EEA1: variants seen among roughly 807,000 people sequenced by gnomAD.
EEA1 encodes early endosome antigen 1, 162kD.
In EEA1, 111 loss-of-function variants were observed where a neutral mutation model predicts 209.2. The ratio of observed to expected loss-of-function variants is 0.53; its 90% confidence interval spans 0.45 to 0.62. EEA1 has a LOEUF of 0.62. Ranked by LOEUF, EEA1 falls within the 20% of genes least tolerant of loss-of-function variation. The pLI, the probability that EEA1 is intolerant of heterozygous loss-of-function variation, is 0.00. For missense variants in EEA1, 1,343 were observed against 1,530.8 expected (o/e 0.88, Z 2.05); for synonymous variants, 536 against 540.6 (o/e 0.99, Z 0.12).
rs11835165 is a variant in EEA1, at chr12:92,871,833, A to G, written c.118-6846T>C. ...TTTTAAAAAATTCTTTCTGCTTATG[A>G]TACTTTGTCCTTACCTATGTAAGAC... On this transcript the variant is annotated intron_variant, in intron 2 of 28. Coordinates refer to ENST00000322349, the MANE Select transcript of EEA1 (RefSeq NM_003566.4). Among the ~76,000 whole-genome samples the G allele has an allele frequency of 2.0e-3, 308 of 152,272 alleles. 2 individuals are homozygous for G. Among genetic ancestry groups the G allele is most frequent in the African/African-American group, 6.8e-3 (284 of 41,566 alleles).
chr12:92,858,366 T>C (rs1201181584), intron 3 of EEA1: 1 of 957,352 alleles, frequency 1.0e-6, no homozygotes, highest in Non-Finnish European at 1.7e-6. Context: ...TGATGATTCT[T>C]CCAAAGGGTT....
chr12:92,918,103 G>C (rs1880847723), intron 1 of EEA1, among the ~76,000 whole-genome samples: 1 of 4,808 alleles, frequency 2.1e-4, no homozygotes, highest in East Asian at 3.0e-3. Flanking sequence ...AGCAAGTCCT[G>C]AGTGACCTAC....
intron 2 of EEA1, 144 bp from the exon 3 acceptor site, chr12:92,865,131 T>G (rs913701343): frequency 9.0e-6 from 5 of 555,744 alleles, no homozygotes; most frequent in Non-Finnish European, 1.4e-5. Flanking sequence ...TAATCCCAAA[T>G]TCTAGTATCA....
At chr12:92,834,072 G>A (rs904454674) in intron 10 of EEA1, among the ~76,000 whole-genome samples, 20 of 152,048 alleles carry the variant, frequency 1.3e-4, no homozygotes, top group African/African-American at 4.6e-4. Flanking sequence ...TTCAGGTGGG[G>A]TGACAGCAAA....
At chr12:92,906,099 T>C (rs973599741) in intron 1 of EEA1, among the ~76,000 whole-genome samples, 16 of 150,672 alleles carry the variant, frequency 1.1e-4, no homozygotes, top group African/African-American at 3.4e-4. Flanking sequence ...TTTTCTTTTT[T>C]TTTTTTTTCT....
chr12:92,890,115 A>T (rs567996520), intron 2 of EEA1, among the ~76,000 whole-genome samples: 1 of 152,204 alleles, frequency 6.6e-6, no homozygotes. Context: ...TGAAGACGGG[A>T]TTTCAAGTCA....
chr12:92,837,292 G>A (rs1296656133), intron 10 of EEA1, among the ~76,000 whole-genome samples: 2 of 152,106 alleles, frequency 1.3e-5, no homozygotes, highest in Non-Finnish European at 2.9e-5. Flanking sequence ...ACTCTCAGAG[G>A]CTTAGTGTCA....
intron 10 of EEA1, among the ~76,000 whole-genome samples, chr12:92,837,366 A>G (rs1460405175): frequency 6.6e-6 from 1 of 152,140 alleles, no homozygotes; most frequent in Non-Finnish European, 1.5e-5. Flanking sequence ...TACTGTTCTT[A>G]TCAATATACC....
intron 24 of EEA1, among the ~76,000 whole-genome samples, chr12:92,779,639 A>G (rs981927529): frequency 2.0e-5 from 3 of 152,154 alleles, no homozygotes; most frequent in African/African-American, 7.2e-5. Flanking sequence ...GATATAACAT[A>G]AAGATGAATT....
At chr12:92,831,801 T>C (rs1302187821) in intron 11 of EEA1, among the ~76,000 whole-genome samples, 5 of 151,690 alleles carry the variant, frequency 3.3e-5, no homozygotes, top group Admixed American at 3.3e-4. Flanking sequence ...AAATATCCAA[T>C]TTGGCCGGGC....
intron 1 of EEA1, among the ~76,000 whole-genome samples, chr12:92,908,784 A>C (rs932142715): frequency 5.9e-5 from 9 of 152,162 alleles, no homozygotes; most frequent in Non-Finnish European, 8.8e-5. Flanking sequence ...ATAAGTAAAA[A>C]ACCATTTTAT....
intron 2 of EEA1, among the ~76,000 whole-genome samples, chr12:92,875,351 T>A (rs1979802): frequency 6.6e-6 from 1 of 151,722 alleles, no homozygotes; most frequent in African/African-American, 2.4e-5. Flanking sequence ...CAGGAGAATC[T>A]CTTGAACCCA....
At chr12:92,909,785 G>A (rs2136775333) in intron 1 of EEA1, among the ~76,000 whole-genome samples, 1 of 152,266 alleles carries the variant, frequency 6.6e-6, no homozygotes, top group South Asian at 2.1e-4. Flanking sequence ...GGGAGGCCGA[G>A]GTAGGAGGAT....
chr12:92,800,035 C>T (rs986417394), intron 20 of EEA1, among the ~76,000 whole-genome samples: 1 of 151,916 alleles, frequency 6.6e-6, no homozygotes, highest in Non-Finnish European at 1.5e-5. Context: ...CCAGCCTGGG[C>T]AACATGGTGA....
At chr12:92,840,969 C>G (rs1877140475) in intron 10 of EEA1, among the ~76,000 whole-genome samples, 1 of 152,170 alleles carries the variant, frequency 6.6e-6, no homozygotes, top group African/African-American at 2.4e-5. Context: ...AGTGAGGTCT[C>G]TTGTTCTTTT....
chr12:92,822,258 A>G (rs758717077), intron 13 of EEA1, among the ~76,000 whole-genome samples: 7 of 152,132 alleles, frequency 4.6e-5, no homozygotes, highest in African/African-American at 7.2e-5. Flanking sequence ...CGTATTCTCA[A>G]AAACATTCCC....
chr12:92,841,915 A>T (rs1305079252), intron 10 of EEA1, among the ~76,000 whole-genome samples: 1 of 152,250 alleles, frequency 6.6e-6, no homozygotes, highest in Non-Finnish European at 1.5e-5. Flanking sequence ...AGATATTTGT[A>T]CAGCCATGTT....
chr12:92,801,714 G>A lies in EEA1; in HGVS notation c.2671-13C>T. On this transcript the variant is annotated splice_polypyrimidine_tract_variant and intron_variant, in intron 19 of 28. Coordinates refer to ENST00000322349, the MANE Select transcript of EEA1 (RefSeq NM_003566.4). ...TGCAAGTTTTTTCCTTAAAAAAAAT[G>A]AAAACTATATTACATAAAAAATATT... The A allele has an allele frequency of 1.3e-6, 2 of 1,518,102 alleles. No individual in the cohort carries two copies. Among genetic ancestry groups the A allele is most frequent in the Non-Finnish European group, 1.8e-6 (2 of 1,124,298 alleles). 94.0% of individuals were successfully genotyped at this position (1,518,102 alleles called of 1,614,324 possible).
chr12:92,821,150 C>CATAGCCTCAACATTT (rs1876035085), intron 13 of EEA1: 1 of 152,136 alleles, frequency 6.6e-6, no homozygotes, highest in Non-Finnish European at 1.5e-5. Flanking sequence ...TAATTAAGAG[C>CATAGCCTCAACATTT]ATAGCCTCAA....
Sources: allele counts gnomAD v4.1 joint callset (sites outside exome capture counted in the v4.1 genomes callset), GRCh38; gene constraint gnomAD v4.1.1; transcripts MANE v1.5; gene names NCBI Gene and HGNC (gene_info 2026-07-23, HGNC 2026-07-21).